The following PRKD1 variants were observed in gnomAD, a reference collection of about 807,000 sequenced individuals.
The protein encoded by PRKD1 is serine/threonine-protein kinase D1.
PRKD1 carries 63 observed loss-of-function variants against 95.9 expected under a neutral mutation model. That is an observed-to-expected ratio of 0.66 (90% confidence interval 0.54 to 0.81). The LOEUF (loss-of-function observed/expected upper bound fraction) is 0.81, where lower values mean the gene tolerates loss of function less well. Ranked by LOEUF, PRKD1 falls within the 30% of genes least tolerant of loss-of-function variation. The pLI is 0.00. For missense variants in PRKD1, 1,048 were observed against 1,165.3 expected (o/e 0.90, Z 1.47); for synonymous variants, 425 against 423.1 (o/e 1.00, Z -0.05).
chr14:29,639,887 T>G (rs1880648967), intron 4 of PRKD1, among the ~76,000 whole-genome samples: 1 of 152,128 alleles, frequency 6.6e-6, no homozygotes, highest in South Asian at 2.1e-4. Flanking sequence ...AGTATATAGA[T>G]TTTTAAAAAT....
chr14:29,823,692 A>G (rs1891006262), intron 1 of PRKD1, among the ~76,000 whole-genome samples: 1 of 152,248 alleles, frequency 6.6e-6, no homozygotes, highest in Non-Finnish European at 1.5e-5. Flanking sequence ...GTAACAGGTC[A>G]GAGGACAGAA....
chr14:29,816,642 T>A (rs959491632), intron 1 of PRKD1, among the ~76,000 whole-genome samples: 1 of 152,204 alleles, frequency 6.6e-6, no homozygotes. Flanking sequence ...ACCTCAGCCA[T>A]ATCATGACAA....
In PRKD1 at chr14:29,703,460, G is replaced by A. The variant is rs575893631; in HGVS notation, c.403+22076C>T. 4.6e-5 allele frequency among the ~76,000 whole-genome samples: 7 copies of A among 152,230 alleles called. No homozygotes were observed. The East Asian group carries it at 1.2e-3, about 25-fold the overall frequency. ...TCTATTGCTCTTAACTCAAATGATT[G>A]TAGTATTAGATGTTATGTGTTATGT... On this transcript the variant is annotated intron_variant, in intron 2 of 17. Coordinates refer to ENST00000331968, the MANE Select transcript of PRKD1 (RefSeq NM_002742.3).
At chr14:29,796,839 T>C (rs1889839311) in intron 1 of PRKD1, among the ~76,000 whole-genome samples, 1 of 152,116 alleles carries the variant, frequency 6.6e-6, no homozygotes, top group African/African-American at 2.4e-5. Flanking sequence ...ACAACAAGTG[T>C]AGACATGTTG....
At chr14:29,915,111 C>T (rs1378907418) in intron 1 of PRKD1, among the ~76,000 whole-genome samples, 1 of 152,318 alleles carries the variant, frequency 6.6e-6, no homozygotes, top group Non-Finnish European at 1.5e-5. Context: ...CATTGATTTA[C>T]ACTGATAAAT....
At position 29,666,021 on chromosome 14, in the gene PRKD1, C is replaced by A; in HGVS notation, c.535+56G>T. The A allele has an allele frequency of 9.4e-6, 14 of 1,491,150 alleles. No homozygotes were observed. In the South Asian group the frequency reaches 1.8e-4, roughly 20 times the overall value. 92.4% of individuals were successfully genotyped at this position (1,491,150 alleles called of 1,614,324 possible). On this transcript the variant is annotated intron_variant, in intron 3 of 17. Coordinates refer to ENST00000331968, the MANE Select transcript of PRKD1 (RefSeq NM_002742.3). Reference sequence around the variant, plus strand: ...ATCTTTGCAATTGTGAATTCTGCTGCGATAAACACAGGAGAACAGCACACA... The same window carrying A: ...ATCTTTGCAATTGTGAATTCTGCTGAGATAAACACAGGAGAACAGCACACA...
At chr14:29,704,883 C>A (rs900848497) in intron 2 of PRKD1, among the ~76,000 whole-genome samples, 1 of 152,134 alleles carries the variant, frequency 6.6e-6, no homozygotes, top group Non-Finnish European at 1.5e-5. Context: ...CTCTTTTACA[C>A]ACACAGACAT....
At chr14:29,753,138 T>C (rs1463120295) in intron 1 of PRKD1, among the ~76,000 whole-genome samples, 1 of 152,078 alleles carries the variant, frequency 6.6e-6, no homozygotes, top group South Asian at 2.1e-4. Context: ...GAAATGTGAA[T>C]GATGGTGTGG....
At chr14:29,751,613 T>C (rs1594484362) in intron 1 of PRKD1, among the ~76,000 whole-genome samples, 1 of 152,340 alleles carries the variant, frequency 6.6e-6, no homozygotes, top group Admixed American at 6.5e-5. Flanking sequence ...TATGTATCTT[T>C]ATAGTTTAAC....
intron 2 of PRKD1, among the ~76,000 whole-genome samples, chr14:29,711,337 T>G (rs1312749970): frequency 6.6e-6 from 1 of 152,128 alleles, no homozygotes; most frequent in South Asian, 2.1e-4. Context: ...TAAGAATACA[T>G]GGACTTAAAC....
intron 1 of PRKD1, among the ~76,000 whole-genome samples, chr14:29,813,517 T>C (rs954103908): frequency 2.0e-5 from 3 of 152,174 alleles, no homozygotes; most frequent in Admixed American, 6.5e-5. Context: ...TGTGAGTAGA[T>C]GCCCAAATGA....
In PRKD1 at chr14:29,742,807, G is replaced by A. The variant is rs539171106; in HGVS notation, c.265-17133C>T. 2.0e-5 allele frequency among the ~76,000 whole-genome samples: 3 copies of A among 152,204 alleles called. No individual in the cohort carries two copies. The East Asian group carries it at 5.8e-4, about 29-fold the overall frequency. ...CTTCAATTTTGTTAGAGAAACAATG[G>A]CAGCTTACCTACTGAGAGCTAGATA... On this transcript the variant is annotated intron_variant, in intron 1 of 17. Coordinates refer to ENST00000331968, the MANE Select transcript of PRKD1 (RefSeq NM_002742.3).
chr14:29,768,382 T>A (rs1246958964), intron 1 of PRKD1, among the ~76,000 whole-genome samples: 1 of 152,248 alleles, frequency 6.6e-6, no homozygotes, highest in East Asian at 1.9e-4. Context: ...TCATCCTCTA[T>A]TAATCACTGG....
intron 13 of PRKD1, among the ~76,000 whole-genome samples, chr14:29,603,751 T>C (rs913235671): frequency 6.6e-6 from 1 of 152,188 alleles, no homozygotes; most frequent in African/African-American, 2.4e-5. Flanking sequence ...GGCATAGTAG[T>C]GTGCAAAAAG....
At chr14:29,823,144 A>T (rs1890981711) in intron 1 of PRKD1, among the ~76,000 whole-genome samples, 1 of 152,198 alleles carries the variant, frequency 6.6e-6, no homozygotes, top group South Asian at 2.1e-4. Flanking sequence ...AACTAAGCCC[A>T]GCACTGAGTA....
chr14:29,705,075 T>C (rs1012792424), intron 2 of PRKD1, among the ~76,000 whole-genome samples: 1 of 152,150 alleles, frequency 6.6e-6, no homozygotes, highest in Non-Finnish European at 1.5e-5. Flanking sequence ...ACTTCAGGAC[T>C]GCAAGGTACT....
intron 2 of PRKD1, among the ~76,000 whole-genome samples, chr14:29,724,552 G>C (rs1038358455): frequency 1.3e-5 from 2 of 152,104 alleles, no homozygotes; most frequent in Non-Finnish European, 2.9e-5. Flanking sequence ...ACAACTGTAG[G>C]CAACCAATAA....
At chr14:29,750,897 G>A (rs1887451436) in intron 1 of PRKD1, among the ~76,000 whole-genome samples, 1 of 152,182 alleles carries the variant, frequency 6.6e-6, no homozygotes, top group South Asian at 2.1e-4. Context: ...TTAAAAATAT[G>A]TATATTCCCA....
intron 1 of PRKD1, among the ~76,000 whole-genome samples, chr14:29,894,737 G>A (rs1468974682): frequency 6.6e-6 from 1 of 152,156 alleles, no homozygotes; most frequent in Non-Finnish European, 1.5e-5. Context: ...AGGATGGAGA[G>A]ACAGTAGTAT....
Sources: gnomAD v4.1 joint callset for allele counts (sites outside exome capture counted in the v4.1 genomes callset) on GRCh38, gnomAD v4.1.1 for gene constraint, MANE v1.5 for transcripts, NCBI Gene and HGNC (gene_info 2026-07-23, HGNC 2026-07-21) for gene names.